Variants in ZNF215 observed in about 807,000 individuals in gnomAD.
ZNF215 encodes the protein BWSCR2-associated zinc finger protein 2.
ZNF215 carries 24 observed loss-of-function variants against 27.2 expected under a neutral mutation model. The observed-to-expected ratio is 0.88, with a 90% confidence interval of 0.64 to 1.24. The LOEUF (loss-of-function observed/expected upper bound fraction) is 1.24. ZNF215 is among the 50% of genes most tolerant of loss of function. ZNF215 has a pLI of 0.00. For missense variants in ZNF215, 675 were observed against 605.7 expected, an observed-to-expected ratio of 1.11 and a Z score of -1.20; for synonymous variants, 210 against 204.0, an observed-to-expected ratio of 1.03 and a Z score of -0.25.
chr11:6,956,515 C>G lies in ZNF215; in HGVS notation c.1538C>G (p.Thr513Ser). 5.0e-6 allele frequency: 8 copies of G among 1,589,986 alleles called. No individual in the cohort carries two copies. The highest frequency in any genetic ancestry group is 6.8e-6 in the Non-Finnish European group (8 of 1,171,184). The part of the protein sequence containing the change: ...SNLVKHQKLH[T>S]RDKS ...CTTGTTAAACATCAAAAACTGCATA[C>G]TCGAGATAAGTCCTGAAAAAAGAAA... Residue 513 changes from threonine to serine, a missense_variant, in exon 7 of 7, where the codon ACT becomes AGT. Coordinates refer to ENST00000278319, the MANE Select transcript of ZNF215 (RefSeq NM_013250.4).
intron 6 of ZNF215, among the ~76,000 whole-genome samples, chr11:6,944,206 G>T (rs1849735852): frequency 6.6e-6 from 1 of 152,012 alleles, no homozygotes; most frequent in African/African-American, 2.4e-5. Flanking sequence ...AACCCGGGAG[G>T]CGGAGCTTGC....
At chr11:6,987,057 T>C (rs1851064945), downstream of ZNF215, among the ~76,000 whole-genome samples, 1 of 152,090 alleles carries the variant, frequency 6.6e-6, no homozygotes, top group African/African-American at 2.4e-5. Context: ...AGAAAATAAA[T>C]CATTTTATCA....
chr11:6,960,604 A>G (rs1001282107), downstream of ZNF215, among the ~76,000 whole-genome samples: 11 of 152,130 alleles, frequency 7.2e-5, no homozygotes, highest in African/African-American at 2.7e-4. Context: ...AATATATCAT[A>G]AGCACCTTAC....
At chr11:6,952,421 T>C (rs1187291765) in intron 6 of ZNF215, among the ~76,000 whole-genome samples, 3 of 152,192 alleles carry the variant, frequency 2.0e-5, no homozygotes, top group Non-Finnish European at 4.4e-5. Context: ...GGTGCTCCTG[T>C]ATTGGGTGCA....
chr11:6,975,961 C>T (rs1380124129), intron 5 of ZNF215, among the ~76,000 whole-genome samples: 1 of 152,080 alleles, frequency 6.6e-6, no homozygotes, highest in Non-Finnish European at 1.5e-5. Context: ...TTTACATTCC[C>T]ATCAACAGTA....
chr11:6,974,260 G>A (rs1399332118), intron 5 of ZNF215, among the ~76,000 whole-genome samples: 1 of 152,134 alleles, frequency 6.6e-6, no homozygotes, highest in Non-Finnish European at 1.5e-5. Context: ...CTATATCCCT[G>A]TTTTGGTACC....
At chr11:6,962,178 C>G (rs1314048103), downstream of ZNF215, among the ~76,000 whole-genome samples, 1 of 152,072 alleles carries the variant, frequency 6.6e-6, no homozygotes, top group Non-Finnish European at 1.5e-5. Flanking sequence ...CTTTTTAATC[C>G]TTAGGCCTGA....
downstream of ZNF215, among the ~76,000 whole-genome samples, chr11:6,990,724 G>A (rs1851105893): frequency 1.3e-5 from 2 of 152,136 alleles, no homozygotes; most frequent in Admixed American, 1.3e-4. Flanking sequence ...ATTCTAATTT[G>A]TCAATTCCAG....
In ZNF215 at chr11:6,941,570, G is replaced by T; in HGVS notation, c.401-1G>T. ...CTAATATTTTCCTTCATCTTCCTCA[G>T]ATATGCCCTGCAAGGACTCTGCCCT... On this transcript the variant is annotated splice_acceptor_variant, in intron 3 of 6. Coordinates refer to ENST00000278319, the MANE Select transcript of ZNF215 (RefSeq NM_013250.4). LOFTEE classifies it high-confidence loss of function. The T allele has an allele frequency of 6.2e-7, 1 of 1,613,656 alleles. No homozygotes were observed. The highest frequency in any genetic ancestry group is 8.5e-7 in the Non-Finnish European group (1 of 1,179,756).
At chr11:6,963,150 C>A (rs1402049392) in intron 5 of ZNF215, among the ~76,000 whole-genome samples, 2 of 152,048 alleles carry the variant, frequency 1.3e-5, no homozygotes, top group Non-Finnish European at 2.9e-5. Flanking sequence ...CATGTAACTA[C>A]CACCATAATC....
In ZNF215 at chr11:6,978,412, G is replaced by A. The variant is rs182703124; in HGVS notation, c.806-5717G>A. Among the ~76,000 whole-genome samples, 14 of 152,126 alleles carry A rather than the reference G, an allele frequency of 9.2e-5. No individual in the cohort carries two copies. The East Asian group carries it at 2.7e-3, about 29-fold the overall frequency. On this transcript the variant is annotated intron_variant, in intron 5 of 5. Coordinates refer to the ZNF215 transcript ENST00000529903. ...ATTACCTCTGGTGGATGGTGTTGGC[G>A]ACTGATTAGAAAAGGGCATTTGACA...
chr11:6,946,145 G>T (rs891661842), intron 6 of ZNF215, among the ~76,000 whole-genome samples: 2 of 152,002 alleles, frequency 1.3e-5, no homozygotes, highest in African/African-American at 4.8e-5. Context: ...TCCAACTGCA[G>T]TGCTGCTTTG....
At chr11:6,937,237 G>A (rs73399481) in intron 3 of ZNF215, among the ~76,000 whole-genome samples, 15,125 of 151,950 alleles carry the variant, frequency 0.1, 1,312 homozygotes, top group African/African-American at 0.24. Flanking sequence ...AGGATGCAAA[G>A]TCAACAAAAA....
chr11:6,970,885 C>T (rs1414049082), intron 5 of ZNF215, among the ~76,000 whole-genome samples: 1 of 152,134 alleles, frequency 6.6e-6, no homozygotes, highest in African/African-American at 2.4e-5. Flanking sequence ...GTGCACCAAA[C>T]ATGATAAATG....
At chr11:6,970,435 T>C (rs1046975616) in intron 5 of ZNF215, among the ~76,000 whole-genome samples, 2 of 152,234 alleles carry the variant, frequency 1.3e-5, no homozygotes, top group African/African-American at 4.8e-5. Flanking sequence ...GAACATGGAC[T>C]AAGTGTTAGA....
Position 6,983,469 on chromosome 11 carries a change from G to A in ZNF215, c.806-660G>A, listed in dbSNP as rs556727766. Among the ~76,000 whole-genome samples the A allele has an allele frequency of 5.6e-3, 852 of 152,182 alleles. 15 individuals are homozygous for A. The East Asian group carries it at 0.072, about 13-fold the overall frequency. ...AGACACAAGCAAAAAAGAGAATTTTGAACCAATATCCTTGATGAACATTGA... is the reference window on the plus strand; with the variant it reads ...AGACACAAGCAAAAAAGAGAATTTTAAACCAATATCCTTGATGAACATTGA... On this transcript the variant is annotated intron_variant, in intron 5 of 5. Coordinates refer to the ZNF215 transcript ENST00000529903.
intron 5 of ZNF215, among the ~76,000 whole-genome samples, chr11:6,979,985 T>A (rs771847405): frequency 6.6e-6 from 1 of 152,080 alleles, no homozygotes; most frequent in African/African-American, 2.4e-5. Flanking sequence ...ATTGTTAACA[T>A]TAAAAAGCAA....
At chr11:6,963,562 C>G (rs963418261) in intron 5 of ZNF215, among the ~76,000 whole-genome samples, 1 of 151,750 alleles carries the variant, frequency 6.6e-6, no homozygotes, top group Non-Finnish European at 1.5e-5. Context: ...TGGATTGTTG[C>G]CAGTTGGAGT....
At position 6,932,542 on chromosome 11, in the gene ZNF215, G is replaced by A. The variant is rs770490347; in HGVS notation, c.270G>A (p.Leu90=). The change falls in exon 3 of 7, where the codon CTG becomes CTA. Residue 90 remains leucine, a synonymous_variant. Transcript: ENST00000278319. Reference sequence around the variant, plus strand: ...ATACAAAGAAGCAGATTATAGAACTGTTGGTGCTGGAACAATTCCTGGCAA... The same window carrying A: ...ATACAAAGAAGCAGATTATAGAACTATTGGTGCTGGAACAATTCCTGGCAA... The part of the protein sequence containing the change: ...EIHTKKQIIE[L]LVLEQFLAIL... 1.2e-6 allele frequency: 2 copies of A among 1,614,192 alleles called. No individual in the cohort carries two copies. The highest frequency in any genetic ancestry group is 2.2e-5 in the East Asian group (1 of 44,888).
Sources: allele counts gnomAD v4.1 joint callset (sites outside exome capture counted in the v4.1 genomes callset), GRCh38; gene constraint gnomAD v4.1.1; transcripts MANE v1.5; gene names NCBI Gene and HGNC (gene_info 2026-07-23, HGNC 2026-07-21).